The following TRDN variants were observed in gnomAD, a reference collection of about 807,000 sequenced individuals.
The protein encoded by TRDN is triadin in skeletal muscle.
In TRDN, 161 loss-of-function variants were observed where a neutral mutation model predicts 149.7. That is an observed-to-expected ratio of 1.08 (90% CI 0.95 to 1.23). The LOEUF is 1.23. Ranked by LOEUF, TRDN falls within the 50% of genes most tolerant of loss-of-function variation. The pLI is 0.00. For missense variants in TRDN, 896 were observed against 823.5 expected (o/e 1.09, Z -1.08); for synonymous variants, 294 against 250.5 (o/e 1.17, Z -1.64).
chr6:123,412,539 C>T (rs903451963), intron 12 of TRDN, among the ~76,000 whole-genome samples: 1 of 152,060 alleles, frequency 6.6e-6, no homozygotes, highest in South Asian at 2.1e-4. Flanking sequence ...AAGAAATGTC[C>T]TATTTTTCTT....
intron 1 of TRDN, among the ~76,000 whole-genome samples, chr6:123,591,902 AG>A (rs1464601826): frequency 1.3e-5 from 2 of 152,256 alleles, no homozygotes; most frequent in Non-Finnish European, 2.9e-5. Context: ...TCTTCTAAAA[AG>A]CTCACACAGT....
chr6:123,453,450 C>A (rs1775910391), intron 10 of TRDN, among the ~76,000 whole-genome samples: 2 of 151,900 alleles, frequency 1.3e-5, no homozygotes, highest in South Asian at 4.2e-4. Context: ...GGGCTAAGGA[C>A]ATGAATAGAC....
At chr6:123,400,735 T>C (rs1772931519) in intron 12 of TRDN, among the ~76,000 whole-genome samples, 1 of 152,172 alleles carries the variant, frequency 6.6e-6, no homozygotes, top group Non-Finnish European at 1.5e-5. Context: ...ATGATCTAAA[T>C]ATAGCACTTA....
At chr6:123,461,869 C>T (rs184970749) in intron 10 of TRDN, among the ~76,000 whole-genome samples, 1 of 152,290 alleles carries the variant, frequency 6.6e-6, no homozygotes, top group African/African-American at 2.4e-5. Context: ...TCACATAAGT[C>T]AGCCCAATTT....
intron 1 of TRDN, among the ~76,000 whole-genome samples, 180 bp downstream of exon 1, chr6:123,636,574 A>T (rs1165100900): frequency 6.6e-6 from 1 of 151,936 alleles, no homozygotes; most frequent in African/African-American, 2.4e-5. Flanking sequence ...TTGCTCCCCC[A>T]ATATACAGAT....
chr6:123,610,021 G>A (rs923651925), intron 1 of TRDN, among the ~76,000 whole-genome samples: 1 of 152,102 alleles, frequency 6.6e-6, no homozygotes, highest in African/African-American at 2.4e-5. Flanking sequence ...AGTTACAACT[G>A]GAGAATAATT....
intron 1 of TRDN, among the ~76,000 whole-genome samples, chr6:123,598,788 G>A (rs532601877): frequency 5.3e-5 from 8 of 152,100 alleles, no homozygotes; most frequent in African/African-American, 9.6e-5. Flanking sequence ...AAAAGAGTTC[G>A]CCAATTTCTG....
At chr6:123,534,073 C>T (rs977122338) in intron 4 of TRDN, among the ~76,000 whole-genome samples, 3 of 152,022 alleles carry the variant, frequency 2.0e-5, no homozygotes, top group Non-Finnish European at 2.9e-5. Flanking sequence ...TGGGCAGATG[C>T]AGGCAGTTGT....
At chr6:123,295,528 C>A (rs1233456078) in intron 24 of TRDN, among the ~76,000 whole-genome samples, 1 of 151,892 alleles carries the variant, frequency 6.6e-6, no homozygotes. Context: ...TTTAAAATTG[C>A]CAAAAGAAAA....
intron 5 of TRDN, among the ~76,000 whole-genome samples, chr6:123,522,007 T>A (rs1779705058): frequency 6.6e-6 from 1 of 152,182 alleles, no homozygotes; most frequent in Admixed American, 6.6e-5. Context: ...ATGTGTATTA[T>A]CACCTAGTGG....
chr6:123,331,842 G>C, intron 23 of TRDN, 37 bp downstream of exon 23: 1 of 1,401,712 alleles, frequency 7.1e-7, no homozygotes, highest in Non-Finnish European at 9.6e-7. Context: ...GCAAAAGGCA[G>C]ATCAATGTGG....
chr6:123,453,516 A>G (rs1438347633), intron 10 of TRDN, among the ~76,000 whole-genome samples: 1 of 152,230 alleles, frequency 6.6e-6, no homozygotes, highest in Non-Finnish European at 1.5e-5. Context: ...AATGCTCAAC[A>G]TCACTAATGA....
chr6:123,511,391 C>T (rs1779175774), intron 7 of TRDN, among the ~76,000 whole-genome samples: 1 of 152,000 alleles, frequency 6.6e-6, no homozygotes, highest in African/African-American at 2.4e-5. Flanking sequence ...ATCCCAATTA[C>T]CCTGATTTGA....
At position 123,259,652 on chromosome 6, in the gene TRDN, T is replaced by G; in HGVS notation, c.1842A>C (p.Lys614Asn). 1 of 1,469,482 alleles carries G rather than the reference T, an allele frequency of 6.8e-7. No individual in the cohort carries two copies. The highest frequency in any genetic ancestry group is 1.8e-4 in the Middle Eastern group (1 of 5,498). 91.0% of individuals were successfully genotyped at this position (1,469,482 alleles called of 1,614,324 possible). A position where few individuals can be genotyped will look rare whatever the true frequency, so the allele number is the denominator to read the frequency against. ...TACTTTCTTTTTCAGATATTTCAGT[T>G]TTCTTCTTTCCTAGGGGAAAGAAAA... ...TSEVTESGKK[K>N]TEISEKESKE... is the part of the protein sequence containing the mutation. The change falls in exon 35 of 41, where the codon AAA (lysine) becomes AAC (asparagine). Residue 614 changes from lysine (K) to asparagine (N), a missense_variant. Transcript: ENST00000334268.
intron 4 of TRDN, among the ~76,000 whole-genome samples, chr6:123,534,214 GA>G (rs1780407205): frequency 6.6e-6 from 1 of 152,044 alleles, no homozygotes; most frequent in Non-Finnish European, 1.5e-5. Context: ...ATTTTTAACT[GA>G]AATATTAATA....
intron 1 of TRDN, among the ~76,000 whole-genome samples, chr6:123,598,380 G>T (rs1399387686): frequency 6.6e-6 from 1 of 151,820 alleles, no homozygotes; most frequent in Non-Finnish European, 1.5e-5. Flanking sequence ...CATATTTAAG[G>T]CCCTGTATAT....
intron 1 of TRDN, among the ~76,000 whole-genome samples, chr6:123,620,677 A>G (rs998121025): frequency 2.0e-5 from 3 of 152,140 alleles, no homozygotes; most frequent in Admixed American, 6.6e-5. Flanking sequence ...TAAATTGAAT[A>G]TTGAATAATT....
In TRDN at chr6:123,400,760, T is replaced by A. The variant is rs1772933036; in HGVS notation, c.1052-7083A>T. Among the ~76,000 whole-genome samples the A allele has an allele frequency of 3.3e-5, 5 of 152,296 alleles. No homozygotes were observed. The South Asian group carries it at 1.0e-3, about 32-fold the overall frequency. On this transcript the variant is annotated intron_variant, in intron 12 of 40. Transcript: ENST00000334268. The stretch of plus-strand genomic sequence containing the variant: ...TATAGCACTTAAAAAACCAGCCCCT[T>A]TTTTCTAATATTAGTAAGCAGTATA...
chr6:123,366,810 G>A (rs925331019), intron 19 of TRDN, among the ~76,000 whole-genome samples: 3 of 152,094 alleles, frequency 2.0e-5, no homozygotes, highest in African/African-American at 4.8e-5. Flanking sequence ...GAGCCACCAC[G>A]CCCGGCCATA....
Sources: gnomAD v4.1 joint callset for allele counts (sites outside exome capture counted in the v4.1 genomes callset) on GRCh38, gnomAD v4.1.1 for gene constraint, MANE v1.5 for transcripts, NCBI Gene and HGNC (gene_info 2026-07-23, HGNC 2026-07-21) for gene names.